Variants in ZSCAN20 observed in about 807,000 individuals in gnomAD.
ZSCAN20 encodes zinc finger and SCAN domain containing 20, also known as zinc finger and SCAN domain-containing protein 20.
ZSCAN20 carries 39 observed loss-of-function variants against 97.1 expected under a neutral mutation model. That is an observed-to-expected ratio of 0.40 (90% CI 0.31 to 0.52). The LOEUF (loss-of-function observed/expected upper bound fraction) is 0.52, where lower values mean the gene tolerates loss of function less well. Ranked by LOEUF, ZSCAN20 falls within the 20% of genes least tolerant of loss-of-function variation. The pLI is 0.49. For synonymous variants in ZSCAN20, 456 were observed against 467.3 expected (o/e 0.98, Z 0.31); for missense variants, 1,115 against 1,290.4 (o/e 0.86, Z 2.08).
chr1:33,494,652 G>A lies in ZSCAN20; in HGVS notation c.2308G>A (p.Glu770Lys). The A allele has an allele frequency of 6.2e-7, 1 of 1,614,148 alleles. No individual in the cohort carries two copies. The highest frequency in any genetic ancestry group is 8.5e-7 in the Non-Finnish European group (1 of 1,180,016). Reference sequence around the variant, plus strand: ...TGGAGAGAAGCCCTATAAATGCCTTGAATGTGGGAAAAGCTTTAGTGACCA... The same window carrying A: ...TGGAGAGAAGCCCTATAAATGCCTTAAATGTGGGAAAAGCTTTAGTGACCA... The part of the protein sequence containing the change: ...HTGEKPYKCL[E>K]CGKSFSDHSN... The change falls in exon 8 of 8, where the codon GAA becomes AAA. Residue 770 changes from glutamate (E) to lysine (K), a missense_variant. Physicochemically the swap from Glu to Lys is moderately conservative, Grantham distance 56. This residue lies in a region of ZSCAN20 where 554 missense variants were observed against 584.9 expected (regional missense o/e 0.95). Transcript: ENST00000684572.
chr1:33,487,531 T>C (rs1652418955), intron 2 of ZSCAN20, among the ~76,000 whole-genome samples: 1 of 152,022 alleles, frequency 6.6e-6, no homozygotes, highest in African/African-American at 2.4e-5. Context: ...AAATCCAACA[T>C]TGAAATGAAA....
chr1:33,473,704 T>C (rs1651816812), intron 1 of ZSCAN20, among the ~76,000 whole-genome samples: 1 of 152,102 alleles, frequency 6.6e-6, no homozygotes. Flanking sequence ...TTTGCTCAAT[T>C]CCCTTAAGCA....
At chr1:33,489,494 GT>G (rs1172654719) in intron 4 of ZSCAN20, 23 bp from the exon 5 acceptor site, 1 of 1,613,186 alleles carries the variant, frequency 6.2e-7, no homozygotes, top group South Asian at 1.1e-5. Context: ...GATGTTTGGG[GT>G]CCTTGTCTTG....
Position 33,488,531 on chromosome 1 carries a change from C to A in ZSCAN20, c.484C>A (p.Leu162Met), listed in dbSNP as rs1316227068. ...KTGEEAQSFQ[L>M]QPVDPWPEGQ... Reference sequence around the variant, plus strand: ...AGGGGAAGAAGCTCAGAGCTTCCAGCTGCAGCCAGTGGATCCCTGGCCTGA... The same window carrying A: ...AGGGGAAGAAGCTCAGAGCTTCCAGATGCAGCCAGTGGATCCCTGGCCTGA... Residue 162 changes from leucine (L) to methionine (M), a missense_variant, in exon 3 of 8, where the codon CTG becomes ATG. Leu to Met is a conservative substitution (Grantham distance 15). Transcript: ENST00000684572. 1 of 1,614,188 alleles carries A rather than the reference C, an allele frequency of 6.2e-7. No homozygotes were observed. The highest frequency in any genetic ancestry group is 1.3e-5 in the African/African-American group (1 of 75,050).
At position 33,501,546 on chromosome 1, in the gene ZSCAN20, T is replaced by TG. The variant is rs1653072389; in HGVS notation, c.*6070_*6071insG. Among the ~76,000 whole-genome samples the TG allele has an allele frequency of 1.3e-5, 2 of 151,524 alleles. No individual in the cohort carries two copies. Among genetic ancestry groups the TG allele is most frequent in the African/African-American group, 4.9e-5 (2 of 41,090 alleles). On this transcript the variant is annotated 3_prime_UTR_variant, in exon 8 of 8. Transcript: ENST00000684572. Reference sequence around the variant, plus strand: ...TCCCCATTTTCTGTTATTTTTTTTTTTTTTGTGCTGTTATGTACATCTCTT... The same window carrying TG: ...TCCCCATTTTCTGTTATTTTTTTTTTGTTTTGTGCTGTTATGTACATCTCTT...
In ZSCAN20 at chr1:33,493,190, G is replaced by T. The variant is rs1461370650; in HGVS notation, c.1448G>T (p.Gly483Val). The T allele has an allele frequency of 6.2e-7, 1 of 1,613,328 alleles. No individual in the cohort carries two copies. Among genetic ancestry groups the T allele is most frequent in the Non-Finnish European group, 8.5e-7 (1 of 1,179,320 alleles). ...APALFQSRIA[G>V]VHWGYEETKA... ...CTCAACTCTTCACTCCTGACAGCAGGTGTGCACTGGGGCTATGAGGAGACC... is the reference window on the plus strand; with the variant it reads ...CTCAACTCTTCACTCCTGACAGCAGTTGTGCACTGGGGCTATGAGGAGACC... Residue 483 changes from glycine (G) to valine (V), a missense_variant, in exon 7 of 8, where the codon GGT (glycine) becomes GTT (valine). Around this residue, in one of 3 missense-constraint regions of ZSCAN20, gnomAD observed 508 missense variants for 611.2 expected, o/e 0.83. Coordinates refer to ENST00000684572, the MANE Select transcript of ZSCAN20 (RefSeq NM_001377376.1). The surrounding 1 kb of genome is among the most constrained non-coding windows in gnomAD (Gnocchi z 4.3).
rs944355623 is a variant in ZSCAN20 at position 33,497,466 on chromosome 1, G to A, written c.*1990G>A. ...GTTGTGTGGAATAGCATGGATTCAG[G>A]GTGGGGTTGTATGATGGGAGGTTGG... On this transcript the variant is annotated 3_prime_UTR_variant, in exon 8 of 8. Transcript: ENST00000684572. 2.0e-5 allele frequency among the ~76,000 whole-genome samples: 3 copies of A among 152,194 alleles called. No homozygotes were observed. The highest frequency in any genetic ancestry group is 7.2e-5 in the African/African-American group (3 of 41,440).
At chr1:33,488,819 G>A (rs913947574) in intron 3 of ZSCAN20, among the ~76,000 whole-genome samples, 168 bp downstream of exon 3, 2 of 152,202 alleles carry the variant, frequency 1.3e-5, no homozygotes, top group African/African-American at 2.4e-5. Flanking sequence ...TAAAGAGGCT[G>A]TGCCTATCGA....
intron 2 of ZSCAN20, among the ~76,000 whole-genome samples, chr1:33,484,013 A>C (rs1468173409): frequency 6.6e-6 from 1 of 152,176 alleles, no homozygotes; most frequent in Non-Finnish European, 1.5e-5. Context: ...CATTGTTGGT[A>C]TATAGGAAGG....
At chr1:33,484,272 T>G (rs1019225456) in intron 2 of ZSCAN20, among the ~76,000 whole-genome samples, 2 of 152,234 alleles carry the variant, frequency 1.3e-5, no homozygotes, top group African/African-American at 4.8e-5. Context: ...TTTCCTGATC[T>G]TAGTGCAAAA....
intron 3 of ZSCAN20, 90 bp from the exon 4 acceptor site, chr1:33,489,025 C>T: frequency 9.1e-7 from 1 of 1,098,406 alleles, no homozygotes; most frequent in Non-Finnish European, 1.3e-6. Context: ...CTAGCTTGAT[C>T]CAAGTGTTAC....
intron 5 of ZSCAN20, 140 bp from the exon 6 acceptor site, chr1:33,490,885 C>T: frequency 1.4e-6 from 1 of 723,784 alleles, no homozygotes; most frequent in Non-Finnish European, 2.2e-6. Flanking sequence ...TCTCCCTATT[C>T]CTGTAAACAT....
At chr1:33,480,026 C>T (rs1652089928) in intron 2 of ZSCAN20, among the ~76,000 whole-genome samples, 1 of 152,206 alleles carries the variant, frequency 6.6e-6, no homozygotes, top group South Asian at 2.1e-4. Flanking sequence ...CTCAGGCATT[C>T]TAACTCTAAA....
rs1424034349 is a variant in ZSCAN20 at position 33,500,202 on chromosome 1, CG to C, written c.*4732del. Among the ~76,000 whole-genome samples, 1 of 152,134 alleles carries C rather than the reference CG, an allele frequency of 6.6e-6. No individual in the cohort carries two copies. Among genetic ancestry groups the C allele is most frequent in the Non-Finnish European group, 1.5e-5 (1 of 68,028 alleles). On this transcript the variant is annotated 3_prime_UTR_variant, in exon 8 of 8. Transcript: ENST00000684572. ...TTACCTCCAAATAAATGCATGTTTT[CG>C]GGGGGCAAAGGCAGGTTCCTTCCTT...
At chr1:33,489,061 G>A (rs1652487578) in intron 3 of ZSCAN20, 54 bp from the exon 4 acceptor site, 1 of 1,494,318 alleles carries the variant, frequency 6.7e-7, no homozygotes, top group Non-Finnish European at 9.2e-7. Flanking sequence ...CTCAAAGGGA[G>A]GTGATTTTTT....
chr1:33,493,484 T>C lies in ZSCAN20; in HGVS notation c.1742T>C (p.Val581Ala). The change falls in exon 7 of 8, where the codon GTC becomes GCC. Residue 581 changes from valine to alanine, a missense_variant. Val to Ala is a moderately conservative substitution (Grantham distance 64, BLOSUM62 0). Coordinates refer to ENST00000684572, the MANE Select transcript of ZSCAN20 (RefSeq NM_001377376.1). This position sits in a 1 kb window ranked among gnomAD's most constrained non-coding sequence, Gnocchi z 4.3. ...GCTGCAGTCAGGGCCATGGGGACTGTCCGAGAGGCTGCAGGTCTCCCTAGG... is the reference window on the plus strand; with the variant it reads ...GCTGCAGTCAGGGCCATGGGGACTGCCCGAGAGGCTGCAGGTCTCCCTAGG... ...ARAAVRAMGTVREAAGLPRCG... is the reference protein window; with the variant it reads ...ARAAVRAMGTAREAAGLPRCG... 6.2e-7 allele frequency: 1 copy of C among 1,614,178 alleles called. No homozygotes were observed. Among genetic ancestry groups the C allele is most frequent in the Non-Finnish European group, 8.5e-7 (1 of 1,180,032 alleles).
chr1:33,494,637 C>T lies in ZSCAN20; in HGVS notation c.2293C>T (p.Pro765Ser). Reference protein sequence around the residue: ...THQRIHTGEKPYKCLECGKSF... With the variant: ...THQRIHTGEKSYKCLECGKSF... ...TCAGAGAATCCACACTGGAGAGAAG[C>T]CCTATAAATGCCTTGAATGTGGGAA... The change falls in exon 8 of 8, where the codon CCC becomes TCC. Residue 765 changes from proline to serine, a missense_variant. Physicochemically the swap from Pro to Ser is moderately conservative, Grantham distance 74. Transcript: ENST00000684572. 4 of 1,614,174 alleles carry T rather than the reference C, an allele frequency of 2.5e-6. No individual in the cohort carries two copies. The highest frequency in any genetic ancestry group is 3.4e-6 in the Non-Finnish European group (4 of 1,180,026).
In ZSCAN20 at chr1:33,494,535, A is replaced by G; in HGVS notation, c.2191A>G (p.Ile731Val). The change falls in exon 8 of 8, where the codon ATC becomes GTC. Residue 731 changes from isoleucine to valine, a missense_variant. Physicochemically the swap from Ile to Val is conservative, Grantham distance 29. Around this residue, in one of 3 missense-constraint regions of ZSCAN20, gnomAD observed 554 missense variants for 584.9 expected, o/e 0.95. Transcript: ENST00000684572. ...CTCCCACTTCATTGCCCATCAGCGA[A>G]TCCACACAGGTGAGAAGCCCTACAA... ...RSSHFIAHQR[I>V]HTGEKPYKCL... 1.9e-6 allele frequency: 3 copies of G among 1,614,240 alleles called. No homozygotes were observed. The highest frequency in any genetic ancestry group is 1.7e-6 in the Non-Finnish European group (2 of 1,180,040).
Position 33,488,494 on chromosome 1 carries a change from G to C in ZSCAN20, c.447G>C (p.Arg149Ser), listed in dbSNP as rs767347082. The C allele has an allele frequency of 1.2e-6, 2 of 1,614,064 alleles. No homozygotes were observed. Among genetic ancestry groups the C allele is most frequent in the East Asian group, 2.2e-5 (1 of 44,866 alleles). The part of the protein sequence containing the change: ...SGLELHTEET[R>S]PLKTGEEAQS... ...TGGAATTGCATACAGAAGAGACCAG[G>C]CCCTTAAAGACAGGGGAAGAAGCTC... Residue 149 changes from arginine (R) to serine (S), a missense_variant, in exon 3 of 8, where the codon AGG (arginine) becomes AGC (serine). Arg to Ser is a moderately radical substitution (Grantham distance 110). Coordinates refer to ENST00000684572, the MANE Select transcript of ZSCAN20 (RefSeq NM_001377376.1).
Sources: gnomAD v4.1 joint callset for allele counts (sites outside exome capture counted in the v4.1 genomes callset) on GRCh38, gnomAD v4.1.1 for gene constraint, gnomAD v4.1.1 regional missense constraint, Gnocchi (gnomAD v3.1) non-coding constraint, MANE v1.5 for transcripts, NCBI Gene and HGNC (gene_info 2026-07-23, HGNC 2026-07-21) for gene names.